FGD6: variants seen among roughly 807,000 people sequenced by gnomAD.
FGD6 encodes FYVE, RhoGEF and PH domain containing 6, also known as FYVE, RhoGEF and PH domain-containing protein 6.
In FGD6, 90 loss-of-function variants were observed where a neutral mutation model predicts 149.4. The ratio of observed to expected loss-of-function variants is 0.60; its 90% CI spans 0.51 to 0.72. FGD6 has a LOEUF of 0.72. Ranked by LOEUF, FGD6 falls within the 30% of genes least tolerant of loss-of-function variation. The pLI is 0.00. For missense variants in FGD6, 1,437 were observed against 1,684.8 expected, an observed-to-expected ratio of 0.85 and a Z score of 2.57; for synonymous variants, 527 against 584.0, an observed-to-expected ratio of 0.90 and a Z score of 1.41.
chr12:95,109,978 G>T (rs1878760313), intron 9 of FGD6, among the ~76,000 whole-genome samples: 1 of 133,922 alleles, frequency 7.5e-6, no homozygotes, highest in South Asian at 2.6e-4. Flanking sequence ...TACCAGCCGT[G>T]GAGGCTTCTG....
chr12:95,163,854 C>T (rs995138321), intron 3 of FGD6, among the ~76,000 whole-genome samples: 4 of 152,164 alleles, frequency 2.6e-5, no homozygotes, highest in Admixed American at 1.3e-4. Context: ...GGATTATAAT[C>T]ATCTTCAAAG....
intron 14 of FGD6, among the ~76,000 whole-genome samples, chr12:95,095,269 C>T (rs979543483): frequency 3.3e-5 from 5 of 152,168 alleles, no homozygotes; most frequent in African/African-American, 1.2e-4. Flanking sequence ...CTACCTATTT[C>T]ACCCACCAAG....
At chr12:95,139,737 C>T (rs1462419309) in intron 6 of FGD6, among the ~76,000 whole-genome samples, 1 of 151,708 alleles carries the variant, frequency 6.6e-6, no homozygotes, top group Admixed American at 6.6e-5. Flanking sequence ...CTCACTGCAG[C>T]CTCCGCCTCC....
intron 14 of FGD6, among the ~76,000 whole-genome samples, chr12:95,099,025 A>C (rs752028915): frequency 2.0e-5 from 3 of 152,084 alleles, no homozygotes; most frequent in Non-Finnish European, 2.9e-5. Context: ...GTGTGCCACT[A>C]TGCCCAGCTA....
rs182183248 is a variant in FGD6, at chr12:95,111,986, C to A, written c.3133+1665G>T. On this transcript the variant is annotated intron_variant, in intron 9 of 20. Transcript: ENST00000343958. ...TGGTGGCTCATGCCTGTAATCCCAG[C>A]ACTTTGGGAGACTGAGGCAGGTGGA... is the stretch of plus-strand genomic sequence containing the variant. Among the ~76,000 whole-genome samples the A allele has an allele frequency of 3.3e-5, 5 of 152,278 alleles. No individual in the cohort carries two copies. In the East Asian group the frequency reaches 9.7e-4, roughly 29 times the overall value.
chr12:95,161,112 G>A (rs1039487708), intron 3 of FGD6, among the ~76,000 whole-genome samples: 1 of 150,190 alleles, frequency 6.7e-6, no homozygotes, highest in Admixed American at 6.6e-5. Flanking sequence ...CCAAGGAGAT[G>A]GAGGATGCAG....
At chr12:95,087,588 C>T (rs1877921451) in intron 18 of FGD6, among the ~76,000 whole-genome samples, 1 of 152,042 alleles carries the variant, frequency 6.6e-6, no homozygotes, top group African/African-American at 2.4e-5. Context: ...CAGTACTTGC[C>T]AAAACTTTGA....
intron 8 of FGD6, among the ~76,000 whole-genome samples, chr12:95,114,697 C>T (rs1878954233): frequency 6.6e-6 from 1 of 151,930 alleles, no homozygotes; most frequent in Non-Finnish European, 1.5e-5. Flanking sequence ...TCTTTAACAC[C>T]AAGGTAAGTC....
chr12:95,140,761 T>C (rs1027977642), intron 6 of FGD6, among the ~76,000 whole-genome samples: 1 of 152,196 alleles, frequency 6.6e-6, no homozygotes, highest in Non-Finnish European at 1.5e-5. Context: ...AATGTGAATA[T>C]AGCATATAGC....
At chr12:95,147,521 TG>T (rs1880051383) in intron 5 of FGD6, among the ~76,000 whole-genome samples, 1 of 152,194 alleles carries the variant, frequency 6.6e-6, no homozygotes, top group Admixed American at 6.6e-5. Context: ...TAAGTTTCTC[TG>T]GTTTCCAGGG....
chr12:95,117,446 A>G (rs963750200), intron 8 of FGD6, among the ~76,000 whole-genome samples: 1 of 149,138 alleles, frequency 6.7e-6, no homozygotes, highest in Non-Finnish European at 1.5e-5. Context: ...CTTTTTTTGG[A>G]GGGTCTCGCT....
chr12:95,213,095 G>C (rs568849106), intron 1 of FGD6, among the ~76,000 whole-genome samples: 9 of 152,170 alleles, frequency 5.9e-5, no homozygotes, highest in Non-Finnish European at 1.3e-4. Context: ...ATCCTAGTGA[G>C]AAACCTAGTT....
chr12:95,192,088 C>T (rs1881605646), intron 2 of FGD6, among the ~76,000 whole-genome samples: 1 of 152,118 alleles, frequency 6.6e-6, no homozygotes, highest in Non-Finnish European at 1.5e-5. Context: ...AAATGCTACA[C>T]AAATAGTTGT....
At chr12:95,119,713 C>A (rs961006088) in intron 8 of FGD6, among the ~76,000 whole-genome samples, 4 of 152,096 alleles carry the variant, frequency 2.6e-5, no homozygotes, top group African/African-American at 9.7e-5. Context: ...GGCAGATCAC[C>A]GGAGGTCAGG....
chr12:95,112,990 G>T (rs960867278), intron 9 of FGD6, among the ~76,000 whole-genome samples: 1 of 152,148 alleles, frequency 6.6e-6, no homozygotes, highest in Non-Finnish European at 1.5e-5. Flanking sequence ...GAAAGACAAA[G>T]AAATGGACCT....
At chr12:95,172,191 C>T (rs1174153797) in intron 3 of FGD6, among the ~76,000 whole-genome samples, 4 of 152,248 alleles carry the variant, frequency 2.6e-5, no homozygotes, top group East Asian at 1.9e-4. Flanking sequence ...GCCTGGCCAA[C>T]ATAGTGAAAC....
intron 19 of FGD6, among the ~76,000 whole-genome samples, chr12:95,085,066 A>G (rs1457143878): frequency 6.6e-6 from 1 of 152,202 alleles, no homozygotes. Flanking sequence ...GTAGGAGAAA[A>G]GGACAGAATT....
Position 95,216,069 on chromosome 12 carries a change from A to C in FGD6, c.16+1156T>G, listed in dbSNP as rs143777194. Among the ~76,000 whole-genome samples, 292 of 152,340 alleles carry C rather than the reference A, an allele frequency of 1.9e-3. 2 individuals are homozygous for C. Among genetic ancestry groups the C allele is most frequent in the African/African-American group, 6.6e-3 (274 of 41,574 alleles). On this transcript the variant is annotated intron_variant, in intron 1 of 20. Transcript: ENST00000343958. ...ATAAGTGCATATAACATCAAAAAGG[A>C]AAGACCCACACAACACCCACTTCTT...
intron 14 of FGD6, among the ~76,000 whole-genome samples, chr12:95,096,494 A>C (rs751946320): frequency 6.6e-6 from 1 of 152,194 alleles, no homozygotes; most frequent in African/African-American, 2.4e-5. Flanking sequence ...TAAACCAAAC[A>C]AAACCCTGCC....
Sources: allele counts gnomAD v4.1 joint callset (sites outside exome capture counted in the v4.1 genomes callset), GRCh38; gene constraint gnomAD v4.1.1; transcripts MANE v1.5; gene names NCBI Gene and HGNC (gene_info 2026-07-23, HGNC 2026-07-21).